The following NUFIP2 variants were observed in gnomAD, a reference collection of about 807,000 sequenced individuals.
NUFIP2 encodes the protein nuclear FMR1 interacting protein 2.
Under a neutral mutation model 56.9 loss-of-function variants are expected in NUFIP2, and 6 were observed. The ratio of observed to expected loss-of-function variants is 0.11; its 90% CI spans 0.06 to 0.21. The LOEUF (loss-of-function observed/expected upper bound fraction) is 0.21, where lower values mean the gene tolerates loss of function less well. Ranked by LOEUF, NUFIP2 falls within the 10% of genes least tolerant of loss-of-function variation. The probability of loss-of-function intolerance (pLI) is 1.00; values close to 1 mark genes in which losing one functional copy is unlikely to be tolerated. For missense variants in NUFIP2, 828 were observed against 826.8 expected (o/e 1.00, Z -0.02); for synonymous variants, 321 against 298.2 (o/e 1.08, Z -0.79).
intron 3 of NUFIP2, among the ~76,000 whole-genome samples, chr17:29,267,200 G>A (rs1290579460): frequency 6.6e-6 from 1 of 150,378 alleles, no homozygotes; most frequent in East Asian, 1.9e-4. Context: ...CACCGTGCCC[G>A]GCCCTACATT....
chr17:29,274,293 G>T (rs1246068223), intron 2 of NUFIP2, among the ~76,000 whole-genome samples: 16 of 152,158 alleles, frequency 1.1e-4, no homozygotes, highest in African/African-American at 3.6e-4. Flanking sequence ...AAGATGGTGA[G>T]ACCCTATGTC....
At position 29,263,833 on chromosome 17, in the gene NUFIP2, A is replaced by G. The variant is rs1306096742; in HGVS notation, c.*706T>C. On this transcript the variant is annotated 3_prime_UTR_variant, in exon 4 of 4. Coordinates refer to ENST00000225388, the MANE Select transcript of NUFIP2 (RefSeq NM_020772.3). The stretch of plus-strand genomic sequence containing the variant: ...GTTAACTATGTACCATCAACTAACT[A>G]TTCCAGAATTGTAGAACTTCAATGC... 1 of 152,610 alleles carries G rather than the reference A, an allele frequency of 6.6e-6. No homozygotes were observed. The highest frequency in any genetic ancestry group is 1.9e-4 in the East Asian group (1 of 5,200). 9.5% of individuals were successfully genotyped at this position (152,610 alleles called of 1,614,324 possible).
At chr17:29,269,294 A>G (rs1598430295) in intron 2 of NUFIP2, among the ~76,000 whole-genome samples, 1 of 152,344 alleles carries the variant, frequency 6.6e-6, no homozygotes, top group South Asian at 2.1e-4. Context: ...ATTAAAGAAA[A>G]GGAAAAACTG....
rs189825211 is a variant in NUFIP2 at position 29,264,514 on chromosome 17, G to A, written c.*25C>T. The A allele has an allele frequency of 4.1e-5, 64 of 1,566,386 alleles. No individual in the cohort carries two copies. In the Admixed American group the frequency reaches 1.0e-3, roughly 25 times the overall value. ...AACGATGGCTCTAATGCTGCAGAAA[G>A]GTTACGAATAGGCAGTCTGGTCCTT... On this transcript the variant is annotated 3_prime_UTR_variant, in exon 4 of 4. Coordinates refer to ENST00000225388, the MANE Select transcript of NUFIP2 (RefSeq NM_020772.3).
chr17:29,274,729 G>A (rs1417166320), intron 2 of NUFIP2, among the ~76,000 whole-genome samples: 2 of 152,168 alleles, frequency 1.3e-5, no homozygotes, highest in Non-Finnish European at 2.9e-5. Flanking sequence ...AGAAATCTAA[G>A]GTTATTGTAC....
At chr17:29,271,477 C>T (rs1306355435) in intron 2 of NUFIP2, among the ~76,000 whole-genome samples, 1 of 150,848 alleles carries the variant, frequency 6.6e-6, no homozygotes, top group Non-Finnish European at 1.5e-5. Flanking sequence ...ACGGAGGTTG[C>T]AGTGAGCCGA....
rs778209919 is a variant in NUFIP2 at position 29,294,097 on chromosome 17, T to C, written c.-38A>G. ...GGACTCCCTGGCTGAGGCTGCGGGC[T>C]GCTGCACCGTCAGGATCTGAGACTG... On this transcript the variant is annotated 5_prime_UTR_variant, in exon 1 of 4. Transcript: ENST00000225388. The C allele has an allele frequency of 1.1e-5, 17 of 1,562,062 alleles. 1 individual carries two copies. Among genetic ancestry groups the C allele is most frequent in the Middle Eastern group, 1.9e-4 (1 of 5,292 alleles).
At chr17:29,272,256 T>G (rs1379258003) in intron 2 of NUFIP2, among the ~76,000 whole-genome samples, 3 of 150,380 alleles carry the variant, frequency 2.0e-5, no homozygotes, top group African/African-American at 7.3e-5. Flanking sequence ...TTTTTTTTTT[T>G]TGAGACAAGA....
At chr17:29,280,399 A>G (rs1286321712) in intron 2 of NUFIP2, among the ~76,000 whole-genome samples, 2 of 152,252 alleles carry the variant, frequency 1.3e-5, no homozygotes, top group Non-Finnish European at 2.9e-5. Flanking sequence ...TACTTTTAAG[A>G]AGGCACAGTT....
At chr17:29,278,147 A>G (rs576112076) in intron 2 of NUFIP2, among the ~76,000 whole-genome samples, 2 of 152,168 alleles carry the variant, frequency 1.3e-5, no homozygotes, top group African/African-American at 4.8e-5. Context: ...AATCCAGGAT[A>G]AGAAGAATTA....
At chr17:29,293,637 T>C in intron 1 of NUFIP2, 146 bp downstream of exon 1, 2 of 873,384 alleles carry the variant, frequency 2.3e-6, no homozygotes, top group Non-Finnish European at 3.3e-6. Flanking sequence ...GCCCGAGCTC[T>C]AGAATGAAAG....
intron 1 of NUFIP2, 24 bp from the exon 2 acceptor site, chr17:29,287,740 T>C: frequency 7.2e-7 from 1 of 1,383,720 alleles, no homozygotes; most frequent in East Asian, 2.5e-5. Context: ...AAAAAAGGAT[T>C]AAAAAAAAAA....
intron 2 of NUFIP2, among the ~76,000 whole-genome samples, chr17:29,268,289 T>C (rs1375559816): frequency 6.6e-6 from 1 of 152,206 alleles, no homozygotes; most frequent in East Asian, 1.9e-4. Context: ...TGCAAGGACA[T>C]GCAAGACACA....
chr17:29,275,196 A>AT (rs986985186), intron 2 of NUFIP2, among the ~76,000 whole-genome samples: 12 of 151,518 alleles, frequency 7.9e-5, no homozygotes, highest in Admixed American at 2.0e-4. Flanking sequence ...AATTTTTTGT[A>AT]TTTTTTTTGT....
At chr17:29,290,442 G>T (rs538570233) in intron 1 of NUFIP2, among the ~76,000 whole-genome samples, 72 of 151,712 alleles carry the variant, frequency 4.7e-4, no homozygotes, top group African/African-American at 1.7e-3. Flanking sequence ...ATCACTTGAG[G>T]TCAGGAGTTT....
rs536391062 is a variant in NUFIP2, at chr17:29,289,704, C to G, written c.278-1988G>C. On this transcript the variant is annotated intron_variant, in intron 1 of 3. Coordinates refer to ENST00000225388, the MANE Select transcript of NUFIP2 (RefSeq NM_020772.3). ...ACTGCCATTTTTATAAGTCTGAGAA[C>G]CATTGTTCCAAAATAAATTAATGGA... Among the ~76,000 whole-genome samples, 18 of 152,226 alleles carry G rather than the reference C, an allele frequency of 1.2e-4. No individual in the cohort carries two copies. The East Asian group carries it at 3.5e-3, about 29-fold the overall frequency.
Position 29,261,353 on chromosome 17 carries a change from T to C in NUFIP2, c.*3186A>G, listed in dbSNP as rs2069001313. On this transcript the variant is annotated 3_prime_UTR_variant, in exon 4 of 4. Transcript: ENST00000225388. ...TCTGAATACTAATGTCTTATACACA[T>C]TCATTTACTAATTTTTAATATCTCC... 1 of 151,968 alleles carries C rather than the reference T, an allele frequency of 6.6e-6. No individual in the cohort carries two copies. The highest frequency in any genetic ancestry group is 1.5e-5 in the Non-Finnish European group (1 of 67,924). 9.4% of individuals were successfully genotyped at this position (151,968 alleles called of 1,614,324 possible).
intron 2 of NUFIP2, among the ~76,000 whole-genome samples, chr17:29,284,569 G>A (rs536188116): frequency 6.6e-6 from 1 of 151,900 alleles, no homozygotes; most frequent in East Asian, 1.9e-4. Context: ...AGCCAGGCGT[G>A]GTGGTGGGCA....
intron 2 of NUFIP2, among the ~76,000 whole-genome samples, chr17:29,280,176 G>A (rs1395142372): frequency 6.6e-6 from 1 of 152,126 alleles, no homozygotes; most frequent in Non-Finnish European, 1.5e-5. Context: ...ATATCCTTCA[G>A]TGCCATAACA....
Sources: gnomAD v4.1 joint callset for allele counts (sites outside exome capture counted in the v4.1 genomes callset) on GRCh38, gnomAD v4.1.1 for gene constraint, MANE v1.5 for transcripts, NCBI Gene and HGNC (gene_info 2026-07-23, HGNC 2026-07-21) for gene names.